The following MYT1L variants were observed in gnomAD, a reference collection of about 807,000 sequenced individuals.
MYT1L encodes the protein myelin transcription factor 1-like protein.
A neutral mutation model predicts 126.7 loss-of-function variants in MYT1L; 12 were observed. The ratio of observed to expected loss-of-function variants is 0.09; its 90% CI spans 0.06 to 0.15. The LOEUF (loss-of-function observed/expected upper bound fraction) is 0.15, where lower values mean the gene tolerates loss of function less well. MYT1L is among the 10% of genes least tolerant of loss of function. MYT1L has a pLI of 1.00. For missense variants in MYT1L, 979 were observed against 1,585.2 expected, an observed-to-expected ratio of 0.62 and a Z score of 6.49; for synonymous variants, 541 against 604.2, an observed-to-expected ratio of 0.90 and a Z score of 1.53.
chr2:2,269,834 T>A (rs112631120), intron 2 of MYT1L, among the ~76,000 whole-genome samples: 2 of 152,200 alleles, frequency 1.3e-5, no homozygotes, highest in Non-Finnish European at 2.9e-5. Context: ...ATAAATTCAA[T>A]CCTCTTTGAT....
chr2:2,291,961 A>G (rs2095606205), intron 1 of MYT1L, among the ~76,000 whole-genome samples: 1 of 152,230 alleles, frequency 6.6e-6, no homozygotes, highest in Non-Finnish European at 1.5e-5. Context: ...GACAGCCCGC[A>G]GGTGCAGGGC....
At chr2:1,819,181 G>A (rs1309228851) in intron 21 of MYT1L, among the ~76,000 whole-genome samples, 1 of 152,216 alleles carries the variant, frequency 6.6e-6, no homozygotes. Context: ...ATTCGGCAGT[G>A]ACAATCAAAA....
intron 3 of MYT1L, among the ~76,000 whole-genome samples, chr2:2,112,389 G>A (rs1017754194): frequency 2.6e-5 from 4 of 152,188 alleles, no homozygotes; most frequent in African/African-American, 7.2e-5. Context: ...AGTATTGTAC[G>A]TTTGAAACAC....
chr2:1,801,804 A>G lies in MYT1L; in HGVS notation c.3173-5T>C, dbSNP rs368197098. The G allele has an allele frequency of 4.6e-6, 7 of 1,529,938 alleles. No homozygotes were observed. In the East Asian group the frequency reaches 1.3e-4, roughly 29 times the overall value. 94.8% of individuals were successfully genotyped at this position (1,529,938 alleles called of 1,614,324 possible). A position where few individuals can be genotyped will look rare whatever the true frequency, so the allele number is the denominator to read the frequency against. Reference sequence around the variant, plus strand: ...TTTCTTCATCATTTTCTATACCTGTAATAATGAATATTAGTATGTTAAAAC... The same window carrying G: ...TTTCTTCATCATTTTCTATACCTGTGATAATGAATATTAGTATGTTAAAAC... On this transcript the variant is annotated splice_region_variant and splice_polypyrimidine_tract_variant and intron_variant, in intron 22 of 24. Coordinates refer to ENST00000647738, the MANE Select transcript of MYT1L (RefSeq NM_001303052.2). This position sits in a 1 kb window ranked among gnomAD's most constrained non-coding sequence, Gnocchi z 4.2.
At chr2:2,063,217 C>A (rs180957231) in intron 3 of MYT1L, among the ~76,000 whole-genome samples, 1 of 152,118 alleles carries the variant, frequency 6.6e-6, no homozygotes, top group East Asian at 1.9e-4. Context: ...TTCAGCAAAC[C>A]CAATGTAGCT....
chr2:2,161,823 T>G (rs532457942), intron 3 of MYT1L, among the ~76,000 whole-genome samples: 1 of 152,240 alleles, frequency 6.6e-6, no homozygotes, highest in South Asian at 2.1e-4. Flanking sequence ...TATTAAAATT[T>G]TTTATATCCA....
At chr2:1,947,086 T>C (rs13405738) in intron 8 of MYT1L, among the ~76,000 whole-genome samples, 22,489 of 152,124 alleles carry the variant, frequency 0.15, 1,775 homozygotes, top group East Asian at 0.27. Context: ...TGAGGCCACC[T>C]GCACAGCACC....
rs2042757659 is a variant in MYT1L at position 1,848,256 on chromosome 2, G to C, written c.2774+3385C>G. Among the ~76,000 whole-genome samples the C allele has an allele frequency of 6.6e-6, 1 of 151,782 alleles. No homozygotes were observed. Among genetic ancestry groups the C allele is most frequent in the Non-Finnish European group, 1.5e-5 (1 of 67,994 alleles). The stretch of plus-strand genomic sequence containing the variant: ...ATTGGAGTGTGTGCCTTTGTCCTGG[G>C]AGCAGGAGGGAGAATTCTACAGACA... On this transcript the variant is annotated intron_variant, in intron 19 of 24. Coordinates refer to ENST00000647738, the MANE Select transcript of MYT1L (RefSeq NM_001303052.2). This position sits in a 1 kb window ranked among gnomAD's most constrained non-coding sequence, Gnocchi z 4.8.
intron 14 of MYT1L, among the ~76,000 whole-genome samples, chr2:1,901,060 G>A (rs182261565): frequency 6.6e-6 from 1 of 152,272 alleles, no homozygotes; most frequent in East Asian, 1.9e-4. Flanking sequence ...CATGGCACTA[G>A]GCTAACTTGT....
intron 3 of MYT1L, among the ~76,000 whole-genome samples, chr2:2,089,892 A>T (rs2076737223): frequency 6.6e-6 from 1 of 152,168 alleles, no homozygotes; most frequent in African/African-American, 2.4e-5. Context: ...ATATGTCATA[A>T]CACCCTTGCA....
chr2:2,105,193 G>T (rs939329870), intron 3 of MYT1L, among the ~76,000 whole-genome samples: 1 of 152,206 alleles, frequency 6.6e-6, no homozygotes, highest in Non-Finnish European at 1.5e-5. Flanking sequence ...TAACTGAAGA[G>T]AGTAAGTGTT....
chr2:1,939,897 C>T (rs762263666), intron 9 of MYT1L, among the ~76,000 whole-genome samples: 17 of 152,204 alleles, frequency 1.1e-4, no homozygotes, highest in Admixed American at 2.0e-4. Flanking sequence ...CCTTCGTGAG[C>T]GTGTCTCCAG....
intron 21 of MYT1L, 31 bp downstream of exon 21, chr2:1,839,118 C>CA (rs2041290445): frequency 6.4e-7 from 1 of 1,570,560 alleles, no homozygotes; most frequent in Non-Finnish European, 8.7e-7. Context: ...GGCACCATCC[C>CA]AGCCAGGGTC....
At chr2:2,218,827 C>T (rs372110069) in intron 2 of MYT1L, among the ~76,000 whole-genome samples, 2 of 152,260 alleles carry the variant, frequency 1.3e-5, no homozygotes, top group South Asian at 4.1e-4. Flanking sequence ...CTTTCGAAGA[C>T]GTGAAAGAAG....
intron 9 of MYT1L, among the ~76,000 whole-genome samples, chr2:1,942,426 C>T (rs565463599): frequency 4.6e-5 from 7 of 152,236 alleles, no homozygotes; most frequent in East Asian, 1.9e-4. Context: ...AGCAGATGAC[C>T]GGCTGATTAT....
chr2:2,314,090 T>C (rs1433506010), intron 1 of MYT1L, among the ~76,000 whole-genome samples: 2 of 152,212 alleles, frequency 1.3e-5, no homozygotes, highest in African/African-American at 2.4e-5. Context: ...ATCAAGTAAC[T>C]CTTTAATCAT....
At chr2:2,139,114 G>A (rs1277401131) in intron 3 of MYT1L, among the ~76,000 whole-genome samples, 1 of 151,780 alleles carries the variant, frequency 6.6e-6, no homozygotes, top group Non-Finnish European at 1.5e-5. Context: ...GGTCTACCAA[G>A]AGGCGTGAAT....
chr2:2,110,157 C>T (rs1354465033), intron 3 of MYT1L, among the ~76,000 whole-genome samples: 1 of 151,522 alleles, frequency 6.6e-6, no homozygotes, highest in East Asian at 1.9e-4. Flanking sequence ...TGAGGTCGTG[C>T]CATAACCAGT....
chr2:2,048,064 G>A (rs950450392), intron 4 of MYT1L, among the ~76,000 whole-genome samples: 3 of 152,074 alleles, frequency 2.0e-5, no homozygotes, highest in Admixed American at 6.5e-5. Flanking sequence ...GCACAGACCC[G>A]GCTTTAATGC....
Sources: allele counts gnomAD v4.1 joint callset (sites outside exome capture counted in the v4.1 genomes callset), GRCh38; gene constraint gnomAD v4.1.1; non-coding constraint Gnocchi (gnomAD v3.1); transcripts MANE v1.5; gene names NCBI Gene and HGNC (gene_info 2026-07-23, HGNC 2026-07-21).